The following CCDC40 variants were observed in gnomAD, a reference collection of about 807,000 sequenced individuals.
CCDC40 encodes coiled-coil domain 40 molecular ruler complex subunit, also known as coiled-coil domain-containing protein 40.
In CCDC40, 104 loss-of-function variants were observed where a neutral mutation model predicts 124.5. The observed-to-expected ratio is 0.84, with a 90% confidence interval of 0.71 to 0.98. The LOEUF (loss-of-function observed/expected upper bound fraction) is 0.98, where lower values mean the gene tolerates loss of function less well. Among genes scored for constraint, CCDC40 ranks in the 50% least tolerant of loss-of-function variants. The pLI, the probability that CCDC40 is intolerant of heterozygous loss-of-function variation, is 0.00. For synonymous variants in CCDC40, 580 were observed against 602.9 expected (o/e 0.96, Z 0.56); for missense variants, 1,463 against 1,503.9 (o/e 0.97, Z 0.45).
At chr17:80,048,968 C>G (rs2037505188) in intron 5 of CCDC40, among the ~76,000 whole-genome samples, 1 of 152,136 alleles carries the variant, frequency 6.6e-6, no homozygotes, top group Non-Finnish European at 1.5e-5. Context: ...GCCTGTGTTT[C>G]TCAACCCCGG....
chr17:80,053,333 C>T (rs1036175241), intron 7 of CCDC40, among the ~76,000 whole-genome samples: 18 of 152,220 alleles, frequency 1.2e-4, no homozygotes, highest in African/African-American at 4.1e-4. Context: ...GCCTGGGCTA[C>T]GCTTTCATCA....
intron 19 of CCDC40, 162 bp downstream of exon 19, chr17:80,097,565 G>C: frequency 1.5e-6 from 1 of 676,528 alleles, no homozygotes; most frequent in Admixed American, 2.7e-5. Flanking sequence ...TCACATGTTT[G>C]TGGCTTTGTG....
At position 80,047,129 on chromosome 17, in the gene CCDC40, G is replaced by A. The variant is rs187597809; in HGVS notation, c.553-150G>A. ...CCAAAGTGCTGGGAGTTACAGGCAT[G>A]AGCCACGTGCCCGGCCAGGTTTTTT... On this transcript the variant is annotated intron_variant, in intron 3 of 19. Transcript: ENST00000397545. 1.8e-3 allele frequency: 1,520 copies of A among 826,672 alleles called. 18 individuals are homozygous for A. The African/African-American group carries it at 0.022, about 12-fold the overall frequency. 51.2% of individuals were successfully genotyped at this position (826,672 alleles called of 1,614,324 possible).
At chr17:80,075,125 G>A (rs1461971959) in intron 10 of CCDC40, among the ~76,000 whole-genome samples, 1 of 151,924 alleles carries the variant, frequency 6.6e-6, no homozygotes, top group African/African-American at 2.4e-5. Flanking sequence ...GGTTTCAACC[G>A]TGTTGGCCAG....
At chr17:80,056,971 G>A (rs1419822842) in intron 7 of CCDC40, among the ~76,000 whole-genome samples, 15 of 144,600 alleles carry the variant, frequency 1.0e-4, no homozygotes, top group East Asian at 2.1e-4. Context: ...AACCCGGGAC[G>A]CAGAGCTTGC....
intron 17 of CCDC40, among the ~76,000 whole-genome samples, chr17:80,092,718 C>T (rs1315514290): frequency 6.6e-6 from 1 of 152,116 alleles, no homozygotes; most frequent in Non-Finnish European, 1.5e-5. Flanking sequence ...TCAAAGGATC[C>T]TCCTGCCTGG....
intron 10 of CCDC40, 159 bp from the exon 11 acceptor site, chr17:80,081,387 A>T (rs201315982): frequency 8.6e-6 from 3 of 349,922 alleles, no homozygotes; most frequent in Non-Finnish European, 1.6e-5. Flanking sequence ...TCTGTCTCAA[A>T]AAATAAATAA....
chr17:80,060,218 C>G (rs186621239), intron 9 of CCDC40, among the ~76,000 whole-genome samples: 145 of 152,062 alleles, frequency 9.5e-4, no homozygotes, highest in African/African-American at 3.3e-3. Flanking sequence ...GCAGATCACC[C>G]TAGCATCGCC....
chr17:80,051,948 G>T (rs1293649910), intron 7 of CCDC40, among the ~76,000 whole-genome samples: 1 of 152,222 alleles, frequency 6.6e-6, no homozygotes, highest in Non-Finnish European at 1.5e-5. Flanking sequence ...TTAGGAGAGG[G>T]CCAGAGCCGA....
chr17:80,047,668 C>T (rs1275357071), intron 4 of CCDC40, among the ~76,000 whole-genome samples: 3 of 152,196 alleles, frequency 2.0e-5, no homozygotes, highest in African/African-American at 4.8e-5. Context: ...GGAACTGGTC[C>T]GATTAAGTGA....
intron 3 of CCDC40, among the ~76,000 whole-genome samples, chr17:80,040,792 G>A (rs2037259160): frequency 6.6e-6 from 1 of 152,200 alleles, no homozygotes; most frequent in African/African-American, 2.4e-5. Flanking sequence ...CCAAGGCTGG[G>A]GGCCTCCATA....
At chr17:80,090,527 A>G (rs1281656985) in intron 17 of CCDC40, 3 of 1,521,750 alleles carry the variant, frequency 2.0e-6, no homozygotes, top group African/African-American at 1.4e-5. Context: ...TTCCTACTCC[A>G]TGTAATCACA....
In CCDC40 at chr17:80,037,770, C is replaced by A. The variant is rs1299848789; in HGVS notation, c.30-353C>A. ...AAACTCAGAGTCCCCAGAACACTTA[C>A]TCTGATCGCGCTACTTTCTCTACGT... On this transcript the variant is annotated intron_variant, in intron 1 of 19. Transcript: ENST00000397545. Among the ~76,000 whole-genome samples the A allele has an allele frequency of 4.1e-5, 6 of 147,514 alleles. No homozygotes were observed. The Admixed American group carries it at 4.2e-4, about 10-fold the overall frequency.
intron 9 of CCDC40, among the ~76,000 whole-genome samples, chr17:80,061,068 G>C (rs569625722): frequency 1.3e-5 from 2 of 152,146 alleles, no homozygotes; most frequent in African/African-American, 4.8e-5. Flanking sequence ...AGGAGGGGCC[G>C]GGTAAGGTGG....
At chr17:80,049,409 CAAAAA>C (rs34096428) in intron 5 of CCDC40, among the ~76,000 whole-genome samples, 1 of 112,828 alleles carries the variant, frequency 8.9e-6, no homozygotes, top group African/African-American at 3.6e-5. Context: ...AACTCTGTCT[CAAAAA>C]AAAAAAAAAA....
At chr17:80,094,818 C>T (rs2038778837) in intron 17 of CCDC40, among the ~76,000 whole-genome samples, 1 of 152,212 alleles carries the variant, frequency 6.6e-6, no homozygotes, top group African/African-American at 2.4e-5. Flanking sequence ...ACCCCCGCAG[C>T]CAATCCTCAC....
rs374917684 is a variant in CCDC40, at chr17:80,058,831, G to A, written c.1318-27G>A. ...CCCTCAGCCACGGGCACCTCCTGAC[G>A]GGGCTGCTTCTCATCCTGTTTCCCA... On this transcript the variant is annotated intron_variant, in intron 8 of 19. Transcript: ENST00000397545. This position sits in a 1 kb window ranked among gnomAD's most constrained non-coding sequence, Gnocchi z 4.2. The A allele has an allele frequency of 4.3e-5, 69 of 1,613,868 alleles. No individual in the cohort carries two copies. The highest frequency in any genetic ancestry group is 5.5e-5 in the Non-Finnish European group (65 of 1,180,022).
chr17:80,067,588 T>C (rs772212785), intron 10 of CCDC40: 1 of 1,536,208 alleles, frequency 6.5e-7, no homozygotes, highest in East Asian at 2.4e-5. Context: ...GCTGGGATAC[T>C]TCTACGGGGA....
At chr17:80,052,858 C>T (rs1226633882) in intron 7 of CCDC40, among the ~76,000 whole-genome samples, 1 of 151,768 alleles carries the variant, frequency 6.6e-6, no homozygotes, top group African/African-American at 2.4e-5. Context: ...GAGGACATTG[C>T]ATCCATAAAG....
Sources: gnomAD v4.1 joint callset for allele counts (sites outside exome capture counted in the v4.1 genomes callset) on GRCh38, gnomAD v4.1.1 for gene constraint, Gnocchi (gnomAD v3.1) non-coding constraint, MANE v1.5 for transcripts, NCBI Gene and HGNC (gene_info 2026-07-23, HGNC 2026-07-21) for gene names.